SLC1A3: variants seen among roughly 807,000 people sequenced by gnomAD.
SLC1A3 encodes excitatory amino acid transporter 1.
Under a neutral mutation model 48.1 loss-of-function variants are expected in SLC1A3, and 21 were observed. That is an observed-to-expected ratio of 0.44 (90% CI 0.31 to 0.63). The LOEUF (loss-of-function observed/expected upper bound fraction) is 0.63. Ranked by LOEUF, SLC1A3 falls within the 20% of genes least tolerant of loss-of-function variation. SLC1A3 has a pLI of 0.08. For synonymous variants in SLC1A3, 239 were observed against 251.4 expected, an observed-to-expected ratio of 0.95 and a Z score of 0.47; for missense variants, 546 against 689.0, an observed-to-expected ratio of 0.79 and a Z score of 2.32.
chr5:36,650,143 A>C (rs920729022), intron 3 of SLC1A3, among the ~76,000 whole-genome samples: 1 of 152,134 alleles, frequency 6.6e-6, no homozygotes. Flanking sequence ...ACTAGATTAA[A>C]TGTTGAGTGA....
chr5:36,659,297 G>A (rs1741410926), intron 3 of SLC1A3, among the ~76,000 whole-genome samples: 1 of 152,150 alleles, frequency 6.6e-6, no homozygotes, highest in African/African-American at 2.4e-5. Context: ...CCACCTTGAA[G>A]GGTTGTTAGG....
intron 2 of SLC1A3, 29 bp downstream of exon 2, chr5:36,608,633 C>T (rs776121724): frequency 6.3e-7 from 1 of 1,581,278 alleles, no homozygotes; most frequent in Non-Finnish European, 8.6e-7. Context: ...AACAAAAAAA[C>T]CTGTATCTTG....
At chr5:36,636,781 C>T (rs1016649841) in intron 3 of SLC1A3, among the ~76,000 whole-genome samples, 3 of 151,964 alleles carry the variant, frequency 2.0e-5, no homozygotes, top group African/African-American at 7.3e-5. Flanking sequence ...ACGACAGAAA[C>T]CTTCCCTTTC....
In SLC1A3 at chr5:36,677,011, G is replaced by T. The variant is rs919672236; in HGVS notation, c.687G>T (p.Glu229Asp). Residue 229 changes from glutamate to aspartate, a missense_variant, in exon 6 of 10, where the codon GAG becomes GAT. This residue lies in a region of SLC1A3 where 348 missense variants were observed against 392.0 expected (regional missense o/e 0.89). Coordinates refer to ENST00000265113, the MANE Select transcript of SLC1A3 (RefSeq NM_004172.5). ...EAMETLTRIT[E>D]ELVPVPGSVN... ...TGGAGACTCTTACCCGAATCACAGAGGAGCTGGTCCCAGTTCCAGGATCTG... is the reference window on the plus strand; with the variant it reads ...TGGAGACTCTTACCCGAATCACAGATGAGCTGGTCCCAGTTCCAGGATCTG... 6 of 1,613,962 alleles carry T rather than the reference G, an allele frequency of 3.7e-6. No homozygotes were observed. The highest frequency in any genetic ancestry group is 5.1e-6 in the Non-Finnish European group (6 of 1,179,990).
At chr5:36,653,886 C>T (rs1276832117) in intron 3 of SLC1A3, among the ~76,000 whole-genome samples, 1 of 152,246 alleles carries the variant, frequency 6.6e-6, no homozygotes, top group East Asian at 1.9e-4. Flanking sequence ...CTCTGTCGCC[C>T]AGACTGGAGT....
intron 3 of SLC1A3, among the ~76,000 whole-genome samples, chr5:36,667,415 A>T (rs74723112): frequency 6.6e-6 from 1 of 152,332 alleles, no homozygotes; most frequent in Admixed American, 6.5e-5. Flanking sequence ...AGTTAGAGAA[A>T]GTCAGCATGG....
chr5:36,664,104 C>A (rs1432081591), intron 3 of SLC1A3, among the ~76,000 whole-genome samples: 1 of 152,140 alleles, frequency 6.6e-6, no homozygotes, highest in Non-Finnish European at 1.5e-5. Context: ...GAAGGGAAGA[C>A]AATAAATAGT....
At chr5:36,645,313 C>T (rs1019717481) in intron 3 of SLC1A3, among the ~76,000 whole-genome samples, 2 of 139,238 alleles carry the variant, frequency 1.4e-5, no homozygotes, top group Admixed American at 7.6e-5. Flanking sequence ...GACTGACTTC[C>T]GCTGCCTTTT....
At chr5:36,624,985 G>T (rs945101065) in intron 2 of SLC1A3, among the ~76,000 whole-genome samples, 1 of 152,136 alleles carries the variant, frequency 6.6e-6, no homozygotes, top group Admixed American at 6.5e-5. Context: ...CAGGAACCAG[G>T]CTCTTTTGAG....
chr5:36,676,291 C>T (rs1012379666), intron 5 of SLC1A3, among the ~76,000 whole-genome samples: 3 of 152,150 alleles, frequency 2.0e-5, no homozygotes, highest in Non-Finnish European at 4.4e-5. Context: ...TCATTGAGCA[C>T]CATTAGCAGA....
intron 3 of SLC1A3, 92 bp downstream of exon 3, chr5:36,629,679 T>C: frequency 9.2e-7 from 1 of 1,090,596 alleles, no homozygotes; most frequent in South Asian, 1.2e-5. Flanking sequence ...AGGTTTCTGC[T>C]GGATGCATGC....
In SLC1A3 at chr5:36,641,336, AC is replaced by A. The variant is rs150229179; in HGVS notation, c.319+11750del. Among the ~76,000 whole-genome samples the A allele has an allele frequency of 6.7e-3, 1,014 of 152,216 alleles. 16 individuals carry two copies. The highest frequency in any genetic ancestry group is 0.024 in the African/African-American group (980 of 41,542). On this transcript the variant is annotated intron_variant, in intron 3 of 9. Coordinates refer to ENST00000265113, the MANE Select transcript of SLC1A3 (RefSeq NM_004172.5). Reference sequence around the variant, plus strand: ...ATTGGTAATTCTTTTTAAGTTTATAACTTTTCCCGAGTTTGTTTCTGCACTT... The same window carrying A: ...ATTGGTAATTCTTTTTAAGTTTATAATTTTCCCGAGTTTGTTTCTGCACTT...
upstream of SLC1A3, among the ~76,000 whole-genome samples, chr5:36,601,677 G>A (rs933445306): frequency 3.3e-5 from 5 of 152,138 alleles, no homozygotes; most frequent in African/African-American, 1.2e-4. Flanking sequence ...CTACCTGGGG[G>A]CAAGAAAAGG....
chr5:36,600,180 A>G (rs1352391833), intron 1 of SLC1A3, among the ~76,000 whole-genome samples: 1 of 152,180 alleles, frequency 6.6e-6, no homozygotes, highest in African/African-American at 2.4e-5. Context: ...GGTTGGGGTT[A>G]GGGAAGAGAG....
intron 2 of SLC1A3, among the ~76,000 whole-genome samples, chr5:36,624,250 T>G (rs1275717557): frequency 6.6e-6 from 1 of 152,188 alleles, no homozygotes; most frequent in African/African-American, 2.4e-5. Flanking sequence ...AGCTCTAGAT[T>G]TAGTTAATGT....
In SLC1A3 at chr5:36,677,073, C is replaced by G. The variant is rs771500129; in HGVS notation, c.749C>G (p.Ser250Cys). 2 of 1,614,114 alleles carry G rather than the reference C, an allele frequency of 1.2e-6. No individual in the cohort carries two copies. Among genetic ancestry groups the G allele is most frequent in the Non-Finnish European group, 1.7e-6 (2 of 1,180,008 alleles). The change falls in exon 6 of 10, where the codon TCC becomes TGC. Residue 250 changes from serine (S) to cysteine (C), a missense_variant. Coordinates refer to ENST00000265113, the MANE Select transcript of SLC1A3 (RefSeq NM_004172.5). ...GVNALGLVVF[S>C]MCFGFVIGNM... ...AATGCCCTGGGTCTAGTTGTCTTCT[C>G]CATGTGCTTCGGTTTTGTGATTGGA...
At chr5:36,683,615 C>T (rs7703852) in intron 8 of SLC1A3, among the ~76,000 whole-genome samples, 1,620 of 151,194 alleles carry the variant, frequency 0.011, 37 homozygotes, top group African/African-American at 0.038. Context: ...GACTGAGGCA[C>T]GAGAATCACT....
chr5:36,670,420 T>G (rs1399618432), intron 3 of SLC1A3, among the ~76,000 whole-genome samples: 1 of 152,186 alleles, frequency 6.6e-6, no homozygotes, highest in Non-Finnish European at 1.5e-5. Context: ...TTTGAGAACC[T>G]TATAAGCCAA....
At chr5:36,655,545 T>TA (rs1741252697) in intron 3 of SLC1A3, among the ~76,000 whole-genome samples, 1 of 152,316 alleles carries the variant, frequency 6.6e-6, no homozygotes, top group Middle Eastern at 3.4e-3. Flanking sequence ...ATGTTAGAAT[T>TA]AAAAAATCTA....
Sources: allele counts gnomAD v4.1 joint callset (sites outside exome capture counted in the v4.1 genomes callset), GRCh38; gene constraint gnomAD v4.1.1; regional missense constraint gnomAD v4.1.1; transcripts MANE v1.5; gene names NCBI Gene and HGNC (gene_info 2026-07-23, HGNC 2026-07-21).